The following FRMD4A variants were observed in gnomAD, a reference collection of about 807,000 sequenced individuals.
FRMD4A encodes FERM domain containing 4A, also known as FERM domain-containing protein 4A.
Under a neutral mutation model 129.1 loss-of-function variants are expected in FRMD4A, and 29 were observed. That is an observed-to-expected ratio of 0.22 (90% CI 0.17 to 0.31). The LOEUF is 0.31. Among genes scored for constraint, FRMD4A ranks in the 10% least tolerant of loss-of-function variants. FRMD4A has a pLI of 1.00. For synonymous variants in FRMD4A, 634 were observed against 571.6 expected (o/e 1.11, Z -1.56); for missense variants, 1,272 against 1,375.8 (o/e 0.92, Z 1.19).
At chr10:13,748,021 G>A (rs1173002957) in intron 8 of FRMD4A, among the ~76,000 whole-genome samples, 2 of 152,130 alleles carry the variant, frequency 1.3e-5, no homozygotes, top group African/African-American at 2.4e-5. Context: ...CCCAGTAACC[G>A]CCTTTCACCG....
At chr10:14,289,622 A>G (rs547099924) in intron 2 of FRMD4A, among the ~76,000 whole-genome samples, 2 of 152,268 alleles carry the variant, frequency 1.3e-5, no homozygotes, top group South Asian at 4.1e-4. Flanking sequence ...ATTTACCTCA[A>G]CACAATAAAG....
chr10:14,004,489 C>A (rs1392908169), intron 2 of FRMD4A, among the ~76,000 whole-genome samples: 3 of 152,110 alleles, frequency 2.0e-5, no homozygotes, highest in Non-Finnish European at 4.4e-5. Flanking sequence ...TTGCAGTGAG[C>A]CAAGATCGTG....
intron 2 of FRMD4A, among the ~76,000 whole-genome samples, chr10:14,090,570 C>T (rs531069566): frequency 6.6e-6 from 1 of 152,210 alleles, no homozygotes; most frequent in East Asian, 1.9e-4. Flanking sequence ...AGCATCCCCC[C>T]AGCCGCTCCA....
chr10:14,235,407 C>A (rs541060686), intron 2 of FRMD4A, among the ~76,000 whole-genome samples: 2 of 152,144 alleles, frequency 1.3e-5, no homozygotes, highest in South Asian at 4.2e-4. Context: ...CTCGGTCTCC[C>A]AAAGTGCTGG....
At chr10:14,140,801 C>A (rs1253511297) in intron 2 of FRMD4A, among the ~76,000 whole-genome samples, 1 of 152,160 alleles carries the variant, frequency 6.6e-6, no homozygotes, top group East Asian at 1.9e-4. Context: ...CTCCACTCAA[C>A]ATTTTCAAAT....
intron 2 of FRMD4A, among the ~76,000 whole-genome samples, chr10:14,314,301 G>A (rs1027914212): frequency 3.9e-5 from 6 of 152,090 alleles, no homozygotes; most frequent in Non-Finnish European, 5.9e-5. Flanking sequence ...CTCCATGGCT[G>A]GCACCAGTGA....
At chr10:14,056,551 C>G (rs1033754979) in intron 2 of FRMD4A, among the ~76,000 whole-genome samples, 2 of 152,096 alleles carry the variant, frequency 1.3e-5, no homozygotes, top group Admixed American at 1.3e-4. Flanking sequence ...CTCACTTCCC[C>G]CCTCCACCCT....
chr10:14,126,592 C>A (rs557616680), intron 2 of FRMD4A, among the ~76,000 whole-genome samples: 199 of 152,318 alleles, frequency 1.3e-3, no homozygotes, highest in African/African-American at 4.7e-3. Context: ...ACCCTGCTAA[C>A]CTCCAAGCAC....
chr10:14,111,826 G>A (rs1837918920), intron 2 of FRMD4A, among the ~76,000 whole-genome samples: 2 of 151,728 alleles, frequency 1.3e-5, no homozygotes, highest in Non-Finnish European at 1.5e-5. Context: ...ATTAAGTGGT[G>A]TGTGCTGTGG....
chr10:13,894,268 C>T (rs2094733126), intron 2 of FRMD4A, among the ~76,000 whole-genome samples: 1 of 152,192 alleles, frequency 6.6e-6, no homozygotes, highest in Non-Finnish European at 1.5e-5. Context: ...CCAGCTGGAG[C>T]GATTCTCCTA....
At chr10:13,852,929 C>G (rs2094159772) in intron 3 of FRMD4A, among the ~76,000 whole-genome samples, 1 of 152,126 alleles carries the variant, frequency 6.6e-6, no homozygotes, top group South Asian at 2.1e-4. Flanking sequence ...CTGGGTAAGA[C>G]ATGGCAATAA....
chr10:14,105,449 TC>T (rs1483483439), intron 2 of FRMD4A, among the ~76,000 whole-genome samples: 3 of 152,132 alleles, frequency 2.0e-5, no homozygotes, highest in Non-Finnish European at 4.4e-5. Flanking sequence ...CATTTCCATA[TC>T]TTCTCTCTAT....
chr10:14,197,262 G>A lies in FRMD4A; in HGVS notation c.45+132796C>T, dbSNP rs1842498566. On this transcript the variant is annotated intron_variant, in intron 2 of 24. Transcript: ENST00000357447. ...ACCCCATTTATTGTGTTATGACGAG[G>A]GGAACCACGTGATAACTTTTAAGGG... 2.6e-5 allele frequency among the ~76,000 whole-genome samples: 4 copies of A among 152,106 alleles called. No individual in the cohort carries two copies. The South Asian group carries it at 8.3e-4, about 32-fold the overall frequency.
chr10:13,751,036 G>T (rs2091598510), intron 8 of FRMD4A, among the ~76,000 whole-genome samples: 1 of 152,180 alleles, frequency 6.6e-6, no homozygotes, highest in Non-Finnish European at 1.5e-5. Flanking sequence ...CAATGTGAAA[G>T]GCACTTTTCT....
At chr10:14,055,582 A>G (rs1297288226) in intron 2 of FRMD4A, among the ~76,000 whole-genome samples, 1 of 152,214 alleles carries the variant, frequency 6.6e-6, no homozygotes, top group Non-Finnish European at 1.5e-5. Context: ...TGAACAACTG[A>G]AAGGTTAAAA....
intron 18 of FRMD4A, 77 bp from the exon 19 acceptor site, chr10:13,663,586 C>T (rs906291595): frequency 2.4e-5 from 19 of 783,112 alleles, no homozygotes; most frequent in African/African-American, 1.2e-4. Context: ...AATAGCATGT[C>T]TACTACCACC....
At chr10:13,849,586 T>G (rs1231030762) in intron 3 of FRMD4A, among the ~76,000 whole-genome samples, 2 of 151,502 alleles carry the variant, frequency 1.3e-5, no homozygotes, top group African/African-American at 4.9e-5. Context: ...GTTCAAGGGA[T>G]TCTCCTGCCT....
chr10:13,928,387 T>A (rs1305767136), intron 2 of FRMD4A, among the ~76,000 whole-genome samples: 1 of 151,992 alleles, frequency 6.6e-6, no homozygotes, highest in Non-Finnish European at 1.5e-5. Flanking sequence ...AGTTTGTTTT[T>A]CTCTTCTACT....
At chr10:13,853,405 T>A (rs1331827289) in intron 3 of FRMD4A, among the ~76,000 whole-genome samples, 1 of 152,050 alleles carries the variant, frequency 6.6e-6, no homozygotes, top group Non-Finnish European at 1.5e-5. Context: ...AAATTAGCAA[T>A]GCACATCTGT....
Sources: gnomAD v4.1 joint callset for allele counts (sites outside exome capture counted in the v4.1 genomes callset) on GRCh38, gnomAD v4.1.1 for gene constraint, MANE v1.5 for transcripts, NCBI Gene and HGNC (gene_info 2026-07-23, HGNC 2026-07-21) for gene names.